The following SNX13 variants were observed in gnomAD, a reference collection of about 807,000 sequenced individuals.
The protein encoded by SNX13 is sorting nexin 13.
Under a neutral mutation model 133.6 loss-of-function variants are expected in SNX13, and 45 were observed. The observed-to-expected ratio is 0.34, with a 90% confidence interval of 0.27 to 0.43. The LOEUF (loss-of-function observed/expected upper bound fraction) is 0.43, where lower values mean the gene tolerates loss of function less well. SNX13 is among the 20% of genes least tolerant of loss of function. SNX13 has a pLI of 1.00. For synonymous variants in SNX13, 414 were observed against 373.9 expected (o/e 1.11, Z -1.24); for missense variants, 1,032 against 1,145.1 (o/e 0.90, Z 1.43).
Position 17,793,985 on chromosome 7 carries a change from A to G in SNX13, c.*60T>C. On this transcript the variant is annotated 3_prime_UTR_variant, in exon 26 of 26. Coordinates refer to ENST00000428135, the MANE Select transcript of SNX13 (RefSeq NM_015132.5). The stretch of plus-strand genomic sequence containing the variant: ...CAACAGTATTTGAGTTAAGCCCCAG[A>G]AGATCTGTCCATACCATTAGTCCTG... The G allele has an allele frequency of 6.4e-7, 1 of 1,555,828 alleles. No individual in the cohort carries two copies. The highest frequency in any genetic ancestry group is 8.7e-7 in the Non-Finnish European group (1 of 1,149,448).
intron 1 of SNX13, among the ~76,000 whole-genome samples, chr7:17,921,465 A>G (rs1800122897): frequency 6.6e-6 from 1 of 152,096 alleles, no homozygotes; most frequent in Non-Finnish European, 1.5e-5. Context: ...CATATCCCCG[A>G]CAACTTCACT....
chr7:17,895,293 AC>A (rs1224642422), intron 2 of SNX13, among the ~76,000 whole-genome samples: 1 of 152,306 alleles, frequency 6.6e-6, no homozygotes, highest in Admixed American at 6.5e-5. Flanking sequence ...TAATTATATA[AC>A]CCAACAAATA....
At chr7:17,800,973 T>C (rs1033578827) in intron 22 of SNX13, among the ~76,000 whole-genome samples, 1 of 93,822 alleles carries the variant, frequency 1.1e-5, no homozygotes, top group Non-Finnish European at 2.2e-5. Flanking sequence ...TACAAATAAT[T>C]TGAAAAAGTA....
At position 17,814,927 on chromosome 7, in the gene SNX13, T is replaced by G. The variant is rs1408580742; in HGVS notation, c.1971A>C (p.Glu657Asp). ...CTAAAGCGGGGGATGCCTTCATCAT[T>G]TCAGGAGCTAACAGTAACTAACAAG... ...NAYLQLLLAP[E>D]MMKASPALAH... Residue 657 changes from glutamate to aspartate, a missense_variant, in exon 20 of 26, where the codon GAA (glutamate) becomes GAC (aspartate). Glu to Asp is a conservative substitution (Grantham distance 45). Transcript: ENST00000428135. 6.7e-7 allele frequency: 1 copy of G among 1,489,002 alleles called. No individual in the cohort carries two copies. The highest frequency in any genetic ancestry group is 8.8e-7 in the Non-Finnish European group (1 of 1,132,060). 92.2% of individuals were successfully genotyped at this position (1,489,002 alleles called of 1,614,324 possible). A position where few individuals can be genotyped will look rare whatever the true frequency, so the allele number is the denominator to read the frequency against.
chr7:17,797,324 T>C (rs142265209), intron 24 of SNX13, among the ~76,000 whole-genome samples: 313 of 151,944 alleles, frequency 2.1e-3, no homozygotes, highest in African/African-American at 7.1e-3. Flanking sequence ...TAGAGTTTAA[T>C]AGCTATCTCC....
At chr7:17,921,876 C>G (rs1316983699) in intron 1 of SNX13, among the ~76,000 whole-genome samples, 3 of 152,240 alleles carry the variant, frequency 2.0e-5, no homozygotes, top group Non-Finnish European at 4.4e-5. Flanking sequence ...ACATTCTTCT[C>G]TATCAGGAAT....
At chr7:17,873,730 G>T (rs1794382535) in intron 7 of SNX13, 114 bp from the exon 8 acceptor site, 7 of 538,290 alleles carry the variant, frequency 1.3e-5, no homozygotes, top group Non-Finnish European at 1.8e-5. Flanking sequence ...TGGTTACAAT[G>T]GCTTATTTTA....
chr7:17,877,721 C>T (rs1583589253), intron 5 of SNX13, among the ~76,000 whole-genome samples: 2 of 128,512 alleles, frequency 1.6e-5, no homozygotes, highest in East Asian at 2.4e-4. Context: ...AATTATCAAG[C>T]AATGCAAATA....
chr7:17,810,058 A>C (rs1785822509), intron 20 of SNX13, among the ~76,000 whole-genome samples: 2 of 152,186 alleles, frequency 1.3e-5, no homozygotes, highest in Non-Finnish European at 2.9e-5. Context: ...CAATTAAAAA[A>C]ACTAGAGAAG....
At chr7:17,833,712 A>G (rs1216041911) in intron 15 of SNX13, among the ~76,000 whole-genome samples, 1 of 151,756 alleles carries the variant, frequency 6.6e-6, no homozygotes, top group African/African-American at 2.4e-5. Context: ...CTTATTGCAT[A>G]TTAAATCTTC....
intron 16 of SNX13, among the ~76,000 whole-genome samples, chr7:17,827,813 C>T (rs543172134): frequency 6.6e-6 from 1 of 151,744 alleles, no homozygotes; most frequent in Non-Finnish European, 1.5e-5. Flanking sequence ...CTCAAGAAAT[C>T]ATTTTGATAG....
chr7:17,889,623 C>T (rs1796409641), intron 5 of SNX13: 4 of 151,780 alleles, frequency 2.6e-5, no homozygotes, highest in African/African-American at 9.7e-5. Context: ...AAAAGTTAGA[C>T]ATCAAGGATG....
At chr7:17,812,934 A>G (rs1328848309) in intron 20 of SNX13, among the ~76,000 whole-genome samples, 4 of 151,688 alleles carry the variant, frequency 2.6e-5, no homozygotes, top group African/African-American at 9.7e-5. Flanking sequence ...ACATGGACAC[A>G]GGGAGGGAAA....
chr7:17,875,892 T>C lies in SNX13; in HGVS notation c.441-102A>G, dbSNP rs543559319. On this transcript the variant is annotated intron_variant, in intron 5 of 25. Coordinates refer to ENST00000428135, the MANE Select transcript of SNX13 (RefSeq NM_015132.5). ...GACAAACAACATGATTATCTGAGAC[T>C]GTAAATTTAAATTGAGATTTTCATT... The C allele has an allele frequency of 5.9e-4, 565 of 950,620 alleles. 3 individuals carry two copies. The highest frequency in any genetic ancestry group is 1.1e-3 in the South Asian group (52 of 46,428). The allele number at this position is 950,620 out of a possible 1,614,324, so 58.9% of individuals were successfully genotyped here.
intron 9 of SNX13, among the ~76,000 whole-genome samples, chr7:17,859,364 C>G (rs919263174): frequency 2.0e-4 from 31 of 152,038 alleles, no homozygotes; most frequent in African/African-American, 7.0e-4. Context: ...GTAACTACAA[C>G]AAAATACCAA....
At position 17,868,394 on chromosome 7, in the gene SNX13, A is replaced by C. The variant is rs1321050750; in HGVS notation, c.837+13T>G. 9.6e-6 allele frequency: 15 copies of C among 1,570,078 alleles called. No individual in the cohort carries two copies. ...ATTTCTAAAACAGAGTTGTAATTTT[A>C]AAAGGCACCTACCATCCATATGACA... On this transcript the variant is annotated intron_variant, in intron 9 of 25. Coordinates refer to ENST00000428135, the MANE Select transcript of SNX13 (RefSeq NM_015132.5).
At chr7:17,848,903 T>C (rs1200021328) in intron 11 of SNX13, among the ~76,000 whole-genome samples, 1 of 152,232 alleles carries the variant, frequency 6.6e-6, no homozygotes, top group Non-Finnish European at 1.5e-5. Flanking sequence ...TCCTGCAATC[T>C]CACTGGCTAT....
At chr7:17,810,204 C>G (rs976813595) in intron 20 of SNX13, among the ~76,000 whole-genome samples, 2 of 151,902 alleles carry the variant, frequency 1.3e-5, no homozygotes, top group African/African-American at 4.8e-5. Context: ...AAAAGATCAA[C>G]AAGATAGATA....
intron 9 of SNX13, among the ~76,000 whole-genome samples, chr7:17,860,803 T>C (rs1792580597): frequency 6.6e-6 from 1 of 152,228 alleles, no homozygotes; most frequent in African/African-American, 2.4e-5. Context: ...TTCTCTATTC[T>C]GTTCCACTAA....
Sources: allele counts gnomAD v4.1 joint callset (sites outside exome capture counted in the v4.1 genomes callset), GRCh38; gene constraint gnomAD v4.1.1; transcripts MANE v1.5; gene names NCBI Gene and HGNC (gene_info 2026-07-23, HGNC 2026-07-21).